Variants in IFT122 observed in about 807,000 individuals in gnomAD.
IFT122 encodes the protein intraflagellar transport protein 122 homolog.
A neutral mutation model predicts 161.6 loss-of-function variants in IFT122; 118 were observed. The observed-to-expected ratio is 0.73, with a 90% CI of 0.63 to 0.85. The LOEUF is 0.85. IFT122 is among the 40% of genes least tolerant of loss of function. The pLI is 0.00. For synonymous variants in IFT122, 550 were observed against 602.4 expected (o/e 0.91, Z 1.27); for missense variants, 1,381 against 1,579.6 (o/e 0.87, Z 2.13).
chr3:129,519,458 G>A, intron 28 of IFT122, 110 bp from the exon 29 acceptor site: 1 of 1,446,218 alleles, frequency 6.9e-7, no homozygotes, highest in Non-Finnish European at 9.4e-7. Flanking sequence ...CCTGGGTTTA[G>A]GAAGCAGGTC....
In IFT122 at chr3:129,466,798, T is replaced by C. The variant is rs6770233; in HGVS notation, c.564-92T>C. 289,790 of 1,260,754 alleles carry C rather than the reference T, an allele frequency of 0.23. 54,558 individuals carry two copies. Among genetic ancestry groups the C allele is most frequent in the African/African-American group, 0.84 (56,926 of 68,086 alleles). 78.1% of individuals were successfully genotyped at this position (1,260,754 alleles called of 1,614,324 possible). A position where few individuals can be genotyped will look rare whatever the true frequency, so the allele number is the denominator to read the frequency against. ...GATTACAGGCGTGAGTCACTGCACCTGGCCCCCAGGGGCTCCTTGCCAGGA... is the reference window on the plus strand; with the variant it reads ...GATTACAGGCGTGAGTCACTGCACCCGGCCCCCAGGGGCTCCTTGCCAGGA... On this transcript the variant is annotated intron_variant, in intron 7 of 29. Coordinates refer to ENST00000348417, the MANE Select transcript of IFT122 (RefSeq NM_052989.3).
Position 129,440,227 on chromosome 3 carries a change from G to A in IFT122, c.-104G>A, listed in dbSNP as rs1559810122. On this transcript the variant is annotated 5_prime_UTR_variant, in exon 1 of 30. Coordinates refer to ENST00000348417, the MANE Select transcript of IFT122 (RefSeq NM_052989.3). ...GCGCATGTACGTTGCCAGGGGTAAC[G>A]CAGGTAGCCAAAGTGGCTTGTGGAG... The A allele has an allele frequency of 1.4e-6, 2 of 1,437,602 alleles. No individual in the cohort carries two copies. The highest frequency in any genetic ancestry group is 1.9e-6 in the Non-Finnish European group (2 of 1,045,346). 89.1% of individuals were successfully genotyped at this position (1,437,602 alleles called of 1,614,324 possible).
intron 12 of IFT122, 135 bp from the exon 13 acceptor site, chr3:129,479,650 G>T: frequency 1.8e-6 from 2 of 1,082,206 alleles, no homozygotes; most frequent in Non-Finnish European, 2.8e-6. Context: ...CAATCGTGGG[G>T]TCTACATTGG....
At chr3:129,472,481 T>G (rs2077466814) in intron 9 of IFT122, among the ~76,000 whole-genome samples, 1 of 152,150 alleles carries the variant, frequency 6.6e-6, no homozygotes. Context: ...TGATTTTAAG[T>G]GGAAAGATAA....
At chr3:129,448,162 G>A (rs2074271143) in intron 1 of IFT122, among the ~76,000 whole-genome samples, 2 of 152,144 alleles carry the variant, frequency 1.3e-5, no homozygotes, top group Admixed American at 6.5e-5. Context: ...TGTTGAAGCG[G>A]CGTCATTGTC....
chr3:129,446,259 C>G (rs2073980073), intron 1 of IFT122, among the ~76,000 whole-genome samples: 2 of 151,524 alleles, frequency 1.3e-5, no homozygotes, highest in African/African-American at 4.9e-5. Flanking sequence ...GAGTCTCACT[C>G]TGTCGCCCAG....
intron 21 of IFT122, among the ~76,000 whole-genome samples, chr3:129,505,478 T>C (rs115967845): frequency 6.6e-6 from 1 of 152,344 alleles, no homozygotes; most frequent in African/African-American, 2.4e-5. Flanking sequence ...AGTATCTGCA[T>C]GTTTGGGCAA....
chr3:129,518,983 C>T (rs915833327), intron 27 of IFT122, 124 bp from the exon 28 acceptor site: 3 of 839,620 alleles, frequency 3.6e-6, no homozygotes, highest in African/African-American at 3.3e-5. Context: ...CCCTCTGTTC[C>T]TCCACCTGGA....
chr3:129,483,282 G>A (rs538157554), intron 14 of IFT122, among the ~76,000 whole-genome samples: 40 of 152,062 alleles, frequency 2.6e-4, no homozygotes, highest in African/African-American at 8.7e-4. Context: ...CCAACAACAC[G>A]CAGGTGCATG....
chr3:129,516,694 G>GCACACACACACACA (rs771398986), intron 26 of IFT122, among the ~76,000 whole-genome samples: 9 of 50,184 alleles, frequency 1.8e-4, no homozygotes, highest in African/African-American at 9.8e-4. Flanking sequence ...GATTGCTCCT[G>GCACACACACACACA]CACACACACA....
At chr3:129,485,753 C>G (rs1206259046) in intron 15 of IFT122, among the ~76,000 whole-genome samples, 1 of 152,274 alleles carries the variant, frequency 6.6e-6, no homozygotes, top group Non-Finnish European at 1.5e-5. Context: ...GGGGCTTCCT[C>G]TGCCAGGACT....
intron 18 of IFT122, among the ~76,000 whole-genome samples, chr3:129,498,170 T>C (rs932647086): frequency 1.3e-5 from 2 of 152,224 alleles, no homozygotes; most frequent in African/African-American, 4.8e-5. Flanking sequence ...AGGAAGCTTT[T>C]AGACCCAGCT....
intron 23 of IFT122, among the ~76,000 whole-genome samples, chr3:129,509,177 A>G (rs542220313): frequency 1.3e-5 from 2 of 152,350 alleles, no homozygotes; most frequent in East Asian, 3.8e-4. Flanking sequence ...GTTGCATAGA[A>G]TAAGAAAAGA....
intron 18 of IFT122, among the ~76,000 whole-genome samples, chr3:129,499,677 T>C (rs2108517074): frequency 6.6e-6 from 1 of 152,308 alleles, no homozygotes. Flanking sequence ...CCAGCGTCCC[T>C]GATGCTGTCC....
Position 129,452,010 on chromosome 3 carries a change from C to T in IFT122, c.193+12C>T, listed in dbSNP as rs1466993158. The T allele has an allele frequency of 6.5e-5, 103 of 1,594,212 alleles. No homozygotes were observed. The highest frequency in any genetic ancestry group is 8.3e-5 in the Non-Finnish European group (97 of 1,162,108). On this transcript the variant is annotated intron_variant, in intron 3 of 29. Transcript: ENST00000348417. The stretch of plus-strand genomic sequence containing the variant: ...ATATGCGAAGGATGGTAAAAGGCTG[C>T]TCTGGGTTTCCATTCTCTATAATAG...
intron 22 of IFT122, among the ~76,000 whole-genome samples, chr3:129,507,017 T>C (rs2082258489): frequency 6.6e-6 from 1 of 152,200 alleles, no homozygotes; most frequent in East Asian, 1.9e-4. Context: ...GACAAGGAGA[T>C]GTTCTTCTCC....
Position 129,483,494 on chromosome 3 carries a change from G to A in IFT122, c.1663G>A (p.Ala555Thr), listed in dbSNP as rs757574680. Residue 555 changes from alanine to threonine, a missense_variant, in exon 15 of 30, where the codon GCC (alanine) becomes ACC (threonine). Transcript: ENST00000348417. ...TKELLFQEPN[A>T]NSVAWNTQCE... The stretch of plus-strand genomic sequence containing the variant: ...TGTCCCTGTTCCCCAGGAACCAAAC[G>A]CCAACAGTGTAGCTTGGAACACCCA... 8.7e-6 allele frequency: 14 copies of A among 1,613,832 alleles called. No homozygotes were observed. Among genetic ancestry groups the A allele is most frequent in the East Asian group, 4.5e-5 (2 of 44,880 alleles).
chr3:129,518,463 A>G (rs1473044105), intron 27 of IFT122, among the ~76,000 whole-genome samples: 3 of 152,160 alleles, frequency 2.0e-5, no homozygotes, highest in African/African-American at 7.2e-5. Context: ...TGCCACCCCC[A>G]GGGGCCACAC....
At chr3:129,479,462 A>G (rs763727434) in intron 12 of IFT122, among the ~76,000 whole-genome samples, 1 of 151,934 alleles carries the variant, frequency 6.6e-6, no homozygotes, top group Non-Finnish European at 1.5e-5. Flanking sequence ...TAAATAATCA[A>G]AGTTAGAACT....
Sources: allele counts gnomAD v4.1 joint callset (sites outside exome capture counted in the v4.1 genomes callset), GRCh38; gene constraint gnomAD v4.1.1; transcripts MANE v1.5; gene names NCBI Gene and HGNC (gene_info 2026-07-23, HGNC 2026-07-21).